NTN1: variants seen among roughly 807,000 people sequenced by gnomAD.
NTN1 encodes netrin 1.
Under a neutral mutation model 54.2 loss-of-function variants are expected in NTN1, and 11 were observed. The ratio of observed to expected loss-of-function variants is 0.20; its 90% CI spans 0.13 to 0.34. The LOEUF (loss-of-function observed/expected upper bound fraction) is 0.34. NTN1 is among the 10% of genes least tolerant of loss of function. The pLI is 1.00. For synonymous variants in NTN1, 371 were observed against 382.0 expected, an observed-to-expected ratio of 0.97 and a Z score of 0.33; for missense variants, 740 against 893.1, an observed-to-expected ratio of 0.83 and a Z score of 2.18.
chr17:9,218,974 A>T (rs1348156504), intron 5 of NTN1, among the ~76,000 whole-genome samples: 8 of 151,568 alleles, frequency 5.3e-5, no homozygotes, highest in Non-Finnish European at 1.0e-4. Flanking sequence ...CAAGAACGTC[A>T]CTCGGCACAA....
intron 2 of NTN1, among the ~76,000 whole-genome samples, chr17:9,125,766 C>T (rs1175066058): frequency 5.9e-5 from 9 of 152,282 alleles, no homozygotes; most frequent in East Asian, 1.9e-4. Flanking sequence ...CCACCATGCC[C>T]GGCTCTTTCA....
chr17:9,181,087 C>T (rs1307097642), intron 4 of NTN1, among the ~76,000 whole-genome samples: 1 of 152,192 alleles, frequency 6.6e-6, no homozygotes, highest in Non-Finnish European at 1.5e-5. Flanking sequence ...AGCCTAGACA[C>T]GAGAGCTGGT....
intron 5 of NTN1, among the ~76,000 whole-genome samples, chr17:9,192,564 A>G (rs72811979): frequency 0.14 from 20,747 of 152,112 alleles, 1,827 homozygotes; most frequent in Non-Finnish European, 0.19. Flanking sequence ...GAGGCCAGGG[A>G]TGCAGCCAAG....
Position 9,034,187 on chromosome 17 carries a change from T to C in NTN1, c.1018+10796T>C, listed in dbSNP as rs149728316. Among the ~76,000 whole-genome samples, 553 of 152,062 alleles carry C rather than the reference T, an allele frequency of 3.6e-3. 5 individuals are homozygous for C. The highest frequency in any genetic ancestry group is 0.013 in the African/African-American group (523 of 41,500). ...GGGGCCCAGCTCAAGACCACCTTGA[T>C]AGATTGGATAGGGTGGGGAGTGTGA... On this transcript the variant is annotated intron_variant, in intron 2 of 6. Coordinates refer to ENST00000173229, the MANE Select transcript of NTN1 (RefSeq NM_004822.3).
intron 2 of NTN1, among the ~76,000 whole-genome samples, chr17:9,094,307 C>T (rs1235082471): frequency 6.6e-6 from 1 of 152,032 alleles, no homozygotes; most frequent in Non-Finnish European, 1.5e-5. Context: ...TTCTATTACT[C>T]ATAGCACAGT....
rs1282635655 is a variant in NTN1, at chr17:9,227,230, ACATACACC to A, written c.1486+5989_1486+5996del. Among the ~76,000 whole-genome samples the A allele has an allele frequency of 3.3e-3, 500 of 150,270 alleles. 2 individuals are homozygous for A. Among genetic ancestry groups the A allele is most frequent in the African/African-American group, 0.012 (479 of 40,734 alleles). Reference sequence around the variant, plus strand: ...ACATGCATGCACACACCATCACATCACATACACCATCACACACACACACTTTATCACAC... The same window carrying A: ...ACATGCATGCACACACCATCACATCAATCACACACACACACTTTATCACAC... On this transcript the variant is annotated intron_variant, in intron 6 of 6. Coordinates refer to ENST00000173229, the MANE Select transcript of NTN1 (RefSeq NM_004822.3).
intron 5 of NTN1, among the ~76,000 whole-genome samples, chr17:9,201,263 T>G (rs1008110930): frequency 9.2e-5 from 14 of 152,188 alleles, no homozygotes; most frequent in African/African-American, 3.4e-4. Context: ...GGGAGGTAGC[T>G]CATTTTAGCA....
At chr17:9,233,405 G>A (rs1905881232) in intron 6 of NTN1, among the ~76,000 whole-genome samples, 2 of 152,038 alleles carry the variant, frequency 1.3e-5, no homozygotes, top group African/African-American at 2.4e-5. Flanking sequence ...CCTACAACCT[G>A]GCCCGGGCGG....
chr17:9,214,542 G>C (rs1905175429), intron 5 of NTN1, among the ~76,000 whole-genome samples: 1 of 152,168 alleles, frequency 6.6e-6, no homozygotes, highest in Admixed American at 6.5e-5. Context: ...ATCACTTTAG[G>C]CTGGGTGCAG....
At chr17:9,020,676 A>C (rs2151505338), upstream of NTN1, among the ~76,000 whole-genome samples, 1 of 152,316 alleles carries the variant, frequency 6.6e-6, no homozygotes, top group Non-Finnish European at 1.5e-5. Flanking sequence ...TGCACCCTTA[A>C]AAATGCGGTT....
intron 6 of NTN1, among the ~76,000 whole-genome samples, chr17:9,229,647 G>A (rs1457132955): frequency 6.6e-6 from 1 of 152,166 alleles, no homozygotes; most frequent in East Asian, 1.9e-4. Flanking sequence ...TGGGCAAACA[G>A]GCGGGAGCGG....
intron 6 of NTN1, among the ~76,000 whole-genome samples, chr17:9,232,079 A>C (rs985244739): frequency 2.0e-5 from 3 of 151,956 alleles, no homozygotes; most frequent in Non-Finnish European, 2.9e-5. Flanking sequence ...GGAGGGGAGC[A>C]CTGTCCACCC....
intron 2 of NTN1, among the ~76,000 whole-genome samples, chr17:9,118,237 A>T (rs1267785816): frequency 6.6e-6 from 1 of 152,156 alleles, no homozygotes; most frequent in East Asian, 1.9e-4. Flanking sequence ...TATACAGTTC[A>T]GGCCGGGCGC....
chr17:9,024,087 A>G (rs1001811694), intron 2 of NTN1, among the ~76,000 whole-genome samples: 1 of 152,216 alleles, frequency 6.6e-6, no homozygotes, highest in African/African-American at 2.4e-5. Context: ...GATTTTTTTT[A>G]TTAGCTTCAG....
At position 9,242,987 on chromosome 17, in the gene NTN1, T is replaced by C. The variant is rs960308282; in HGVS notation, c.*3019T>C. The C allele has an allele frequency of 6.6e-6, 1 of 152,194 alleles. No individual in the cohort carries two copies. The highest frequency in any genetic ancestry group is 2.4e-5 in the African/African-American group (1 of 41,452). 9.4% of individuals were successfully genotyped at this position (152,194 alleles called of 1,614,324 possible). A position where few individuals can be genotyped will look rare whatever the true frequency, so the allele number is the denominator to read the frequency against. Reference sequence around the variant, plus strand: ...AACCAGAATTGTGCTATGTAGGTGTTTGTTTGAAGAAAAACATACCAGATT... The same window carrying C: ...AACCAGAATTGTGCTATGTAGGTGTCTGTTTGAAGAAAAACATACCAGATT... On this transcript the variant is annotated 3_prime_UTR_variant, in exon 7 of 7. Transcript: ENST00000173229.
At chr17:9,129,900 A>G (rs543146819) in intron 2 of NTN1, among the ~76,000 whole-genome samples, 2 of 152,328 alleles carry the variant, frequency 1.3e-5, no homozygotes, top group African/African-American at 2.4e-5. Context: ...TCAGCCCAAC[A>G]GAGTCTGAAA....
chr17:9,214,448 T>C (rs1239413664), intron 5 of NTN1, among the ~76,000 whole-genome samples: 1 of 152,252 alleles, frequency 6.6e-6, no homozygotes, highest in East Asian at 1.9e-4. Flanking sequence ...TTGCTGATAC[T>C]AACATTTCCA....
chr17:9,005,138 C>T, the NTN1 span, among the ~76,000 whole-genome samples: 3 of 152,170 alleles, frequency 2.0e-5, no homozygotes. Flanking sequence ...TCTTCACCAA[C>T]ATTCTCCTGG....
chr17:9,018,357 C>A (rs922157758), upstream of NTN1, among the ~76,000 whole-genome samples: 1 of 152,188 alleles, frequency 6.6e-6, no homozygotes, highest in East Asian at 1.9e-4. Flanking sequence ...ATAGGCTGGG[C>A]GCGGTGGCTC....
Sources: gnomAD v4.1 joint callset for allele counts (sites outside exome capture counted in the v4.1 genomes callset) on GRCh38, gnomAD v4.1.1 for gene constraint, MANE v1.5 for transcripts, NCBI Gene and HGNC (gene_info 2026-07-23, HGNC 2026-07-21) for gene names.